ZNF445: variants seen among roughly 807,000 people sequenced by gnomAD.
The protein encoded by ZNF445 is zinc finger protein 445, also known as zinc finger protein 168.
In ZNF445, 19 loss-of-function variants were observed where a neutral mutation model predicts 93.9. The ratio of observed to expected loss-of-function variants is 0.20; its 90% CI spans 0.14 to 0.30. The LOEUF (loss-of-function observed/expected upper bound fraction) is 0.30, where lower values mean the gene tolerates loss of function less well. ZNF445 is among the 10% of genes least tolerant of loss of function. ZNF445 has a pLI of 1.00. For missense variants in ZNF445, 1,058 were observed against 1,259.4 expected, an observed-to-expected ratio of 0.84 and a Z score of 2.42; for synonymous variants, 449 against 446.3, an observed-to-expected ratio of 1.01 and a Z score of -0.08.
chr3:44,446,320 T>C lies in ZNF445; in HGVS notation c.*255A>G, dbSNP rs915384544. 1.4e-5 allele frequency: 7 copies of C among 496,648 alleles called. No individual in the cohort carries two copies. In the Admixed American group the frequency reaches 1.5e-4, roughly 11 times the overall value. 30.8% of individuals were successfully genotyped at this position (496,648 alleles called of 1,614,324 possible). The stretch of plus-strand genomic sequence containing the variant: ...ACCTGAATAGGGGAGCCGCAGGCTA[T>C]GGTGCAGAGGCCACTCCTAGGGGCC... On this transcript the variant is annotated 3_prime_UTR_variant, in exon 8 of 8. Transcript: ENST00000396077. This position sits in a 1 kb window ranked among gnomAD's most constrained non-coding sequence, Gnocchi z 4.2.
chr3:44,462,604 G>C (rs775565129), intron 1 of ZNF445, among the ~76,000 whole-genome samples: 4 of 151,804 alleles, frequency 2.6e-5, no homozygotes, highest in Admixed American at 6.6e-5. Flanking sequence ...ACCCACCCAT[G>C]GATAGTTTCT....
At chr3:44,474,145 G>T (rs1266616834) in intron 1 of ZNF445, among the ~76,000 whole-genome samples, 1 of 152,180 alleles carries the variant, frequency 6.6e-6, no homozygotes, top group Non-Finnish European at 1.5e-5. Context: ...TGATGACTAG[G>T]AGAAAGACAG....
rs755981024 is a variant in ZNF445, at chr3:44,449,529, T to G, written c.915A>C (p.Pro305=). 8.7e-6 allele frequency: 14 copies of G among 1,613,958 alleles called. No homozygotes were observed. The highest frequency in any genetic ancestry group is 1.2e-5 in the Non-Finnish European group (14 of 1,179,958). The stretch of plus-strand genomic sequence containing the variant: ...GGAACTCACCTGTAGGAGCAGCAAC[T>G]GGATTCCCCTTAGGCTGAGCTGCCT... ...NMQAAQPKGN[P]VAAPTGDDLQ... is the part of the protein sequence containing the mutation. The change falls in exon 7 of 8, where the codon CCA becomes CCC. Residue 305 remains proline, a synonymous_variant. Coordinates refer to ENST00000396077, the MANE Select transcript of ZNF445 (RefSeq NM_181489.6).
chr3:44,466,244 C>G lies in ZNF445; in HGVS notation c.-268-7880G>C, dbSNP rs62251377. Among the ~76,000 whole-genome samples the G allele has an allele frequency of 3.3e-3, 502 of 152,198 alleles. 2 individuals are homozygous for G. Among genetic ancestry groups the G allele is most frequent in the Non-Finnish European group, 4.3e-3 (293 of 68,000 alleles). ...GAATGATTTATGGTGACCTGGGATT[C>G]TATTTTGTGATATCCAGTGTTTTAA... On this transcript the variant is annotated intron_variant, in intron 1 of 7. Coordinates refer to ENST00000396077, the MANE Select transcript of ZNF445 (RefSeq NM_181489.6).
chr3:44,444,007 C>G lies in ZNF445; in HGVS notation c.*2568G>C, dbSNP rs934849699. Reference sequence around the variant, plus strand: ...TCTACAAAAAAATATAAAAAATTAGCTGGCAGGGTGGCACACACCTGTAGC... The same window carrying G: ...TCTACAAAAAAATATAAAAAATTAGGTGGCAGGGTGGCACACACCTGTAGC... On this transcript the variant is annotated 3_prime_UTR_variant, in exon 8 of 8. Coordinates refer to ENST00000396077, the MANE Select transcript of ZNF445 (RefSeq NM_181489.6). 2 of 151,984 alleles carry G rather than the reference C, an allele frequency of 1.3e-5. No homozygotes were observed. The highest frequency in any genetic ancestry group is 4.8e-5 in the African/African-American group (2 of 41,352). 9.4% of individuals were successfully genotyped at this position (151,984 alleles called of 1,614,324 possible).
chr3:44,476,363 G>GT (rs2125687597), intron 1 of ZNF445, among the ~76,000 whole-genome samples: 1 of 142,736 alleles, frequency 7.0e-6, no homozygotes, highest in East Asian at 1.9e-4. Flanking sequence ...TCGGCTTACA[G>GT]TAAGACTTTT....
At chr3:44,450,091 T>C (rs1697936103) in intron 6 of ZNF445, 1 of 323,612 alleles carries the variant, frequency 3.1e-6, no homozygotes, top group Non-Finnish European at 5.9e-6. Flanking sequence ...CAGGCGTGCG[T>C]ACCACATGCT....
intron 1 of ZNF445, among the ~76,000 whole-genome samples, chr3:44,468,219 T>TTTATA (rs1388323050): frequency 2.0e-5 from 3 of 152,142 alleles, no homozygotes; most frequent in Non-Finnish European, 2.9e-5. Flanking sequence ...CTTCATAACT[T>TTTATA]ACACCTTATT....
chr3:44,454,609 T>C (rs1306377169), intron 3 of ZNF445, among the ~76,000 whole-genome samples: 1 of 152,194 alleles, frequency 6.6e-6, no homozygotes, highest in East Asian at 1.9e-4. Context: ...CTAATTTTTG[T>C]AGAAACAGGG....
rs1257249516 is a variant in ZNF445, at chr3:44,433,736, C to T, written c.*12839G>A. The T allele has an allele frequency of 6.6e-6, 1 of 152,240 alleles. No homozygotes were observed. Among genetic ancestry groups the T allele is most frequent in the Non-Finnish European group, 1.5e-5 (1 of 68,082 alleles). 9.4% of individuals were successfully genotyped at this position (152,240 alleles called of 1,614,324 possible). ...CCATGGCAAAAGCATCTCCATCAGG[C>T]AGGACTGGCTTCACAGGCAGGCAGC... On this transcript the variant is annotated 3_prime_UTR_variant, in exon 8 of 8. Coordinates refer to ENST00000396077, the MANE Select transcript of ZNF445 (RefSeq NM_181489.6).
At chr3:44,452,141 T>C (rs1697966232) in intron 3 of ZNF445, among the ~76,000 whole-genome samples, 1 of 152,184 alleles carries the variant, frequency 6.6e-6, no homozygotes, top group Non-Finnish European at 1.5e-5. Context: ...CAAATAACTC[T>C]GGTCTCTGAG....
rs571712887 is a variant in ZNF445 at position 44,435,560 on chromosome 3, T to C, written c.*11015A>G. The C allele has an allele frequency of 9.2e-5, 14 of 152,348 alleles. No homozygotes were observed. The South Asian group carries it at 2.9e-3, about 32-fold the overall frequency. 9.4% of individuals were successfully genotyped at this position (152,348 alleles called of 1,614,324 possible). On this transcript the variant is annotated 3_prime_UTR_variant, in exon 8 of 8. Coordinates refer to ENST00000396077, the MANE Select transcript of ZNF445 (RefSeq NM_181489.6). The stretch of plus-strand genomic sequence containing the variant: ...GGAGATGTGTTCCCGTCTTTGATGG[T>C]GGCACTAATCTCAACAATCTCTCCA...
rs1447398557 is a variant in ZNF445, at chr3:44,448,082, C to T, written c.1589G>A (p.Arg530Gln). ...KAFRWSSNCA[R>Q]HEKIHTGVKP... is the part of the protein sequence containing the mutation. The stretch of plus-strand genomic sequence containing the variant: ...CACTCCAGTGTGAATTTTCTCATGC[C>T]GCGCACAGTTGGAACTCCACCGGAA... Residue 530 changes from arginine to glutamine, a missense_variant, in exon 8 of 8, where the codon CGG becomes CAG. Arg to Gln is a conservative substitution (Grantham distance 43). Around this residue, in one of 3 missense-constraint regions of ZNF445, gnomAD observed 657 missense variants for 746.4 expected, o/e 0.88. Coordinates refer to ENST00000396077, the MANE Select transcript of ZNF445 (RefSeq NM_181489.6). 4 of 1,612,870 alleles carry T rather than the reference C, an allele frequency of 2.5e-6. No individual in the cohort carries two copies. Among genetic ancestry groups the T allele is most frequent in the South Asian group, 1.1e-5 (1 of 91,076 alleles).
Position 44,455,563 on chromosome 3 carries a change from G to T in ZNF445, c.-14C>A, listed in dbSNP as rs770551277. On this transcript the variant is annotated 5_prime_UTR_variant, in exon 3 of 8. Transcript: ENST00000396077. The stretch of plus-strand genomic sequence containing the variant: ...GCCTGGAGGCATCACTCCTGTTCAG[G>T]GACTAACCAGAAGAGTGCGAACCAA... 1.3e-6 allele frequency: 2 copies of T among 1,571,430 alleles called. No homozygotes were observed. The highest frequency in any genetic ancestry group is 1.7e-6 in the Non-Finnish European group (2 of 1,160,482).
At chr3:44,459,812 T>C (rs56382737) in intron 1 of ZNF445, among the ~76,000 whole-genome samples, 1,855 of 152,282 alleles carry the variant, frequency 0.012, 35 homozygotes, top group African/African-American at 0.043. Flanking sequence ...CAAATTTAAA[T>C]AACAAATAAA....
In ZNF445 at chr3:44,432,177, CGT is replaced by C. The variant is rs1491236145; in HGVS notation, c.*14396_*14397del. 6.6e-6 allele frequency: 1 copy of C among 152,052 alleles called. No homozygotes were observed. 9.4% of individuals were successfully genotyped at this position (152,052 alleles called of 1,614,324 possible). Reference sequence around the variant, plus strand: ...CCTCCCAAAGTGCTGAGATTACAGGCGTTGAGCCACCATGCCCAGCCCTTGAA... The same window carrying C: ...CCTCCCAAAGTGCTGAGATTACAGGCTGAGCCACCATGCCCAGCCCTTGAA... On this transcript the variant is annotated 3_prime_UTR_variant, in exon 8 of 8. Coordinates refer to ENST00000396077, the MANE Select transcript of ZNF445 (RefSeq NM_181489.6).
rs73829642 is a variant in ZNF445 at position 44,445,931 on chromosome 3, C to G, written c.*644G>C. ...AACAGATGGACCGCTGCTGCCTATGCAGGCCTGTGGGATGGGGATGGCAAC... is the reference window on the plus strand; with the variant it reads ...AACAGATGGACCGCTGCTGCCTATGGAGGCCTGTGGGATGGGGATGGCAAC... On this transcript the variant is annotated 3_prime_UTR_variant, in exon 8 of 8. Transcript: ENST00000396077. 9.4e-3 allele frequency: 1,447 copies of G among 153,386 alleles called. 31 individuals are homozygous for G. Among genetic ancestry groups the G allele is most frequent in the African/African-American group, 0.033 (1,358 of 41,580 alleles). 9.5% of individuals were successfully genotyped at this position (153,386 alleles called of 1,614,324 possible).
rs1697862597 is a variant in ZNF445, at chr3:44,445,094, T to C, written c.*1481A>G. On this transcript the variant is annotated 3_prime_UTR_variant, in exon 8 of 8. Coordinates refer to ENST00000396077, the MANE Select transcript of ZNF445 (RefSeq NM_181489.6). ...CCTGAGAGCAGCAGGCACATGCACT[T>C]GTTCCTTCGGGTTGAATCTGATTGC... 2 of 152,246 alleles carry C rather than the reference T, an allele frequency of 1.3e-5. No individual in the cohort carries two copies. The highest frequency in any genetic ancestry group is 2.9e-5 in the Non-Finnish European group (2 of 68,052). 9.4% of individuals were successfully genotyped at this position (152,246 alleles called of 1,614,324 possible).
intron 3 of ZNF445, 62 bp from the exon 4 acceptor site, chr3:44,451,544 G>A: frequency 6.5e-7 from 1 of 1,545,506 alleles, no homozygotes; most frequent in Non-Finnish European, 8.8e-7. Flanking sequence ...ACTCAGAGAA[G>A]AGACCACATG....
Sources: allele counts gnomAD v4.1 joint callset (sites outside exome capture counted in the v4.1 genomes callset), GRCh38; gene constraint gnomAD v4.1.1; regional missense constraint gnomAD v4.1.1; non-coding constraint Gnocchi (gnomAD v3.1); transcripts MANE v1.5; gene names NCBI Gene and HGNC (gene_info 2026-07-23, HGNC 2026-07-21).